FRMD6: variants seen among roughly 807,000 people sequenced by gnomAD.
FRMD6 encodes FERM domain-containing protein 6.
Under a neutral mutation model 73.2 loss-of-function variants are expected in FRMD6, and 37 were observed. The ratio of observed to expected loss-of-function variants is 0.51; its 90% CI spans 0.39 to 0.66. FRMD6 has a LOEUF of 0.66. Ranked by LOEUF, FRMD6 falls within the 30% of genes least tolerant of loss-of-function variation. The pLI is 0.00. For missense variants in FRMD6, 714 were observed against 780.5 expected (o/e 0.91, Z 1.02); for synonymous variants, 273 against 282.2 (o/e 0.97, Z 0.33).
At chr14:51,542,322 T>G (rs1468624194) in intron 1 of FRMD6, among the ~76,000 whole-genome samples, 2 of 152,078 alleles carry the variant, frequency 1.3e-5, no homozygotes, top group East Asian at 3.8e-4. Flanking sequence ...ACTACCAATC[T>G]GCTTTCAGTA....
chr14:51,397,763 A>G, the FRMD6 span, among the ~76,000 whole-genome samples: 2 of 152,220 alleles, frequency 1.3e-5, no homozygotes, highest in Non-Finnish European at 2.9e-5. Context: ...AGTTGCGGTC[A>G]AAACACAGTC....
intron 2 of FRMD6, among the ~76,000 whole-genome samples, chr14:51,622,440 A>G (rs1890960388): frequency 6.6e-6 from 1 of 152,190 alleles, no homozygotes; most frequent in Non-Finnish European, 1.5e-5. Flanking sequence ...CTAGAGAAGG[A>G]GCTGAGGGTC....
At chr14:51,707,729 C>T (rs551414455) in intron 6 of FRMD6, among the ~76,000 whole-genome samples, 1 of 152,124 alleles carries the variant, frequency 6.6e-6, no homozygotes, top group East Asian at 1.9e-4. Flanking sequence ...TTTCATGGTA[C>T]CAAGTATAAA....
chr14:51,441,128 C>T, the FRMD6 span, among the ~76,000 whole-genome samples: 1 of 152,230 alleles, frequency 6.6e-6, no homozygotes, highest in Non-Finnish European at 1.5e-5. Context: ...GGAGTCACTG[C>T]TATAAACCCA....
chr14:51,461,594 T>C, the FRMD6 span, among the ~76,000 whole-genome samples: 1 of 152,238 alleles, frequency 6.6e-6, no homozygotes, highest in Admixed American at 6.5e-5. Flanking sequence ...ACTGGTCTTT[T>C]GATGTCCTTC....
chr14:51,415,626 T>C, the FRMD6 span, among the ~76,000 whole-genome samples: 1 of 152,196 alleles, frequency 6.6e-6, no homozygotes, highest in African/African-American at 2.4e-5. Context: ...TTTTTTGTTG[T>C]GTCTCTGCCA....
chr14:51,426,002 C>A, the FRMD6 span, among the ~76,000 whole-genome samples: 19 of 149,778 alleles, frequency 1.3e-4, no homozygotes, highest in Admixed American at 1.3e-3. Context: ...CTGCCCTGAA[C>A]TTTATATATT....
At chr14:51,441,685 G>A in the FRMD6 span, among the ~76,000 whole-genome samples, 174 of 152,274 alleles carry the variant, frequency 1.1e-3, no homozygotes, top group African/African-American at 4.1e-3. Flanking sequence ...AAACCCATGC[G>A]TGTAGAGTTT....
the FRMD6 span, among the ~76,000 whole-genome samples, chr14:51,470,440 C>T: frequency 6.6e-6 from 1 of 151,976 alleles, no homozygotes; most frequent in Non-Finnish European, 1.5e-5. Context: ...GCGGAGGTTG[C>T]AGTGAGCCGA....
intron 5 of FRMD6, among the ~76,000 whole-genome samples, chr14:51,703,929 A>T (rs1896478794): frequency 6.6e-6 from 1 of 152,104 alleles, no homozygotes; most frequent in South Asian, 2.1e-4. Flanking sequence ...TCACAAAAGC[A>T]TCCTATTTGC....
chr14:51,668,440 G>C (rs1045050016), intron 1 of FRMD6, among the ~76,000 whole-genome samples: 1 of 152,000 alleles, frequency 6.6e-6, no homozygotes, highest in African/African-American at 2.4e-5. Flanking sequence ...TGAGTAGCTG[G>C]GATTACAGGC....
chr14:51,602,684 C>T (rs1031833361), intron 2 of FRMD6, among the ~76,000 whole-genome samples: 7 of 152,170 alleles, frequency 4.6e-5, no homozygotes, highest in African/African-American at 1.4e-4. Context: ...TGCCCCTTTA[C>T]AAGAAAAGCC....
At chr14:51,716,937 A>G (rs1897271372) in intron 10 of FRMD6, among the ~76,000 whole-genome samples, 1 of 152,234 alleles carries the variant, frequency 6.6e-6, no homozygotes, top group African/African-American at 2.4e-5. Flanking sequence ...AACGTCTAAC[A>G]TGGCACCTTG....
chr14:51,420,609 T>G, the FRMD6 span, among the ~76,000 whole-genome samples: 1 of 152,252 alleles, frequency 6.6e-6, no homozygotes, highest in African/African-American at 2.4e-5. Flanking sequence ...TGCTTGCATT[T>G]GTACTGAACA....
chr14:51,575,895 T>C (rs1888375248), intron 2 of FRMD6: 1 of 152,144 alleles, frequency 6.6e-6, no homozygotes. Flanking sequence ...TTGCAGACAG[T>C]TTCTAGTATA....
intron 2 of FRMD6, among the ~76,000 whole-genome samples, chr14:51,609,438 A>C (rs1187048168): frequency 6.6e-6 from 1 of 152,214 alleles, no homozygotes; most frequent in Non-Finnish European, 1.5e-5. Flanking sequence ...CGGTGTATGG[A>C]TTGCTCAGGA....
the FRMD6 span, among the ~76,000 whole-genome samples, chr14:51,480,603 A>T: frequency 6.6e-6 from 1 of 152,322 alleles, no homozygotes; most frequent in South Asian, 2.1e-4. Context: ...TCATGTTTAT[A>T]TACAATGACT....
the FRMD6 span, among the ~76,000 whole-genome samples, chr14:51,469,848 C>G: frequency 6.6e-6 from 1 of 151,520 alleles, no homozygotes; most frequent in Admixed American, 6.6e-5. Flanking sequence ...GCTGTTATTT[C>G]TTTTATGAAT....
chr14:51,436,106 A>T, the FRMD6 span: 1 of 223,558 alleles, frequency 4.5e-6, no homozygotes, highest in Non-Finnish European at 8.7e-6. Context: ...CTGCCCTGAG[A>T]CCAGAGAAGA....
Sources: allele counts gnomAD v4.1 joint callset (sites outside exome capture counted in the v4.1 genomes callset), GRCh38; gene constraint gnomAD v4.1.1; transcripts MANE v1.5; gene names NCBI Gene and HGNC (gene_info 2026-07-23, HGNC 2026-07-21).